The following SH3PXD2B variants were observed in gnomAD, a reference collection of about 807,000 sequenced individuals.
SH3PXD2B encodes the protein SH3 and PX domains 2B.
In SH3PXD2B, 37 loss-of-function variants were observed where a neutral mutation model predicts 73.1. The ratio of observed to expected loss-of-function variants is 0.51; its 90% CI spans 0.39 to 0.67. The LOEUF (loss-of-function observed/expected upper bound fraction) is 0.67. SH3PXD2B is among the 30% of genes least tolerant of loss of function. The probability of loss-of-function intolerance (pLI) is 0.00; values close to 1 mark genes in which losing one functional copy is unlikely to be tolerated. For missense variants in SH3PXD2B, 1,053 were observed against 1,197.8 expected, an observed-to-expected ratio of 0.88 and a Z score of 1.78; for synonymous variants, 457 against 480.5, an observed-to-expected ratio of 0.95 and a Z score of 0.64.
chr5:172,360,213 C>T (rs1222848860), intron 7 of SH3PXD2B, among the ~76,000 whole-genome samples: 1 of 152,146 alleles, frequency 6.6e-6, no homozygotes, highest in Non-Finnish European at 1.5e-5. Context: ...AGGAAACTGT[C>T]ATAACACAAT....
At chr5:172,397,931 T>C (rs1351614132) in intron 3 of SH3PXD2B, among the ~76,000 whole-genome samples, 2 of 152,250 alleles carry the variant, frequency 1.3e-5, no homozygotes, top group African/African-American at 4.8e-5. Context: ...AGGTTATCCT[T>C]TTTAGTGGCG....
chr5:172,359,710 T>A (rs2113313892), intron 7 of SH3PXD2B, among the ~76,000 whole-genome samples: 1 of 152,118 alleles, frequency 6.6e-6, no homozygotes, highest in East Asian at 1.9e-4. Flanking sequence ...AATGACCCCC[T>A]CCCCACAAAG....
At chr5:172,446,634 C>T (rs1472225689) in intron 1 of SH3PXD2B, among the ~76,000 whole-genome samples, 2 of 152,178 alleles carry the variant, frequency 1.3e-5, no homozygotes, top group African/African-American at 4.8e-5. Context: ...GGCTGCTTGC[C>T]GACTTGCCTG....
At chr5:172,422,323 TA>T in intron 2 of SH3PXD2B, 92 bp downstream of exon 2, 6 of 1,232,610 alleles carry the variant, frequency 4.9e-6, no homozygotes, top group Non-Finnish European at 4.6e-6. Flanking sequence ...TCTGGGAAAT[TA>T]AAAAAATTCT....
chr5:172,392,616 A>G (rs1758216009), intron 4 of SH3PXD2B, among the ~76,000 whole-genome samples: 1 of 147,484 alleles, frequency 6.8e-6, no homozygotes, highest in Admixed American at 6.6e-5. Context: ...TCTACTAAAA[A>G]TACAAAAAAA....
chr5:172,374,400 G>A (rs889969968), intron 5 of SH3PXD2B, among the ~76,000 whole-genome samples: 4 of 152,192 alleles, frequency 2.6e-5, no homozygotes, highest in Non-Finnish European at 5.9e-5. Flanking sequence ...CAACTGTATC[G>A]GCCAGGCATG....
Position 172,334,057 on chromosome 5 carries a change from C to T in SH3PXD2B, c.*4312G>A. On this transcript the variant is annotated 3_prime_UTR_variant, in exon 13 of 13. Transcript: ENST00000311601. The stretch of plus-strand genomic sequence containing the variant: ...CTACCGACTGTGGCACTGCGTTTGG[C>T]CTCTTTGAGGACAGAAGAGGTTGAG... 1.7e-6 allele frequency: 2 copies of T among 1,161,898 alleles called. No individual in the cohort carries two copies. The highest frequency in any genetic ancestry group is 2.1e-6 in the Non-Finnish European group (2 of 934,232). The allele number at this position is 1,161,898 out of a possible 1,614,324, so 72.0% of individuals were successfully genotyped here.
intron 4 of SH3PXD2B, among the ~76,000 whole-genome samples, chr5:172,383,498 T>C (rs1757992531): frequency 6.6e-6 from 1 of 152,236 alleles, no homozygotes; most frequent in African/African-American, 2.4e-5. Flanking sequence ...AACTCAGACA[T>C]GGCCATCATG....
chr5:172,408,629 C>T (rs1758619421), intron 2 of SH3PXD2B, among the ~76,000 whole-genome samples: 1 of 150,256 alleles, frequency 6.7e-6, no homozygotes, highest in African/African-American at 2.5e-5. Context: ...ACCTCCACCT[C>T]CCAGGTTCAA....
At chr5:172,330,008 C>T (rs539947919), downstream of SH3PXD2B, among the ~76,000 whole-genome samples, 5 of 152,258 alleles carry the variant, frequency 3.3e-5, no homozygotes, top group South Asian at 2.1e-4. Context: ...AATCTCACTG[C>T]GGGTTGTGTT....
chr5:172,351,343 G>C (rs1757155562), intron 9 of SH3PXD2B, among the ~76,000 whole-genome samples: 1 of 152,132 alleles, frequency 6.6e-6, no homozygotes, highest in Non-Finnish European at 1.5e-5. Context: ...GCTCAGGCTG[G>C]TCTTGAGCTC....
rs544714214 is a variant in SH3PXD2B at position 172,347,436 on chromosome 5, G to A, written c.1013-104C>T. On this transcript the variant is annotated intron_variant, in intron 10 of 12. Transcript: ENST00000311601. ...CTCCTGCAGAAGATTGAACACAGGC[G>A]TCTGCATGCTGCTGCAACCCTCCCT... The A allele has an allele frequency of 8.4e-5, 98 of 1,166,372 alleles. No individual in the cohort carries two copies. In the African/African-American group the frequency reaches 1.1e-3, roughly 13 times the overall value. 72.3% of individuals were successfully genotyped at this position (1,166,372 alleles called of 1,614,324 possible).
chr5:172,326,461 G>T (rs986313451), intron 12 of SH3PXD2B, among the ~76,000 whole-genome samples: 6 of 152,124 alleles, frequency 3.9e-5, no homozygotes, highest in Non-Finnish European at 7.4e-5. Flanking sequence ...GCTGGTGTGT[G>T]GCCCTCCAAG....
intron 1 of SH3PXD2B, among the ~76,000 whole-genome samples, chr5:172,432,903 C>G (rs1759281052): frequency 1.0e-5 from 1 of 98,884 alleles, no homozygotes. Flanking sequence ...AAGAGTGAAA[C>G]TCTGTCTGTC....
rs185063151 is a variant in SH3PXD2B at position 172,392,184 on chromosome 5, A to G, written c.309+2379T>C. Among the ~76,000 whole-genome samples the G allele has an allele frequency of 2.0e-5, 3 of 152,270 alleles. No individual in the cohort carries two copies. The East Asian group carries it at 5.8e-4, about 29-fold the overall frequency. ...GATGGGATCTTTAAAGAGGTAATTT[A>G]AAGTAAAATGAAGTCACTAGGGATG... On this transcript the variant is annotated intron_variant, in intron 4 of 12. Transcript: ENST00000311601.
intron 12 of SH3PXD2B, 133 bp downstream of exon 12, chr5:172,346,003 G>A (rs1004491338): frequency 1.5e-6 from 2 of 1,375,936 alleles, no homozygotes; most frequent in Non-Finnish European, 2.1e-6. Context: ...TGTATGGTAT[G>A]TGAACCATAA....
At chr5:172,430,462 G>A (rs1294862079) in intron 1 of SH3PXD2B, among the ~76,000 whole-genome samples, 1 of 152,200 alleles carries the variant, frequency 6.6e-6, no homozygotes, top group African/African-American at 2.4e-5. Context: ...CCCTCCCCAT[G>A]GGTGCCTGTG....
downstream of SH3PXD2B, among the ~76,000 whole-genome samples, chr5:172,332,947 T>C (rs1288126655): frequency 1.3e-5 from 2 of 151,394 alleles, no homozygotes; most frequent in Admixed American, 6.6e-5. Flanking sequence ...TTTTTTTTTT[T>C]TTTTTTGAGA....
At chr5:172,351,214 T>C (rs1757153443) in intron 9 of SH3PXD2B, among the ~76,000 whole-genome samples, 1 of 152,182 alleles carries the variant, frequency 6.6e-6, no homozygotes, top group Admixed American at 6.5e-5. Context: ...ACTGCAGCCT[T>C]GAACTCCTGG....
Sources: allele counts gnomAD v4.1 joint callset (sites outside exome capture counted in the v4.1 genomes callset), GRCh38; gene constraint gnomAD v4.1.1; transcripts MANE v1.5; gene names NCBI Gene and HGNC (gene_info 2026-07-23, HGNC 2026-07-21).